The following STK39 variants were observed in gnomAD, a reference collection of about 807,000 sequenced individuals.
STK39 encodes STE20/SPS1-related proline-alanine-rich protein kinase.
A neutral mutation model predicts 77.8 loss-of-function variants in STK39; 20 were observed. That is an observed-to-expected ratio of 0.26 (90% CI 0.18 to 0.37). STK39 has a LOEUF of 0.37. Among genes scored for constraint, STK39 ranks in the 10% least tolerant of loss-of-function variants. The pLI, the probability that STK39 is intolerant of heterozygous loss-of-function variation, is 1.00. For synonymous variants in STK39, 246 were observed against 234.1 expected (o/e 1.05, Z -0.47); for missense variants, 479 against 656.5 (o/e 0.73, Z 2.95).
chr2:168,139,176 C>T (rs1449064401), intron 7 of STK39, among the ~76,000 whole-genome samples: 1 of 152,000 alleles, frequency 6.6e-6, no homozygotes, highest in Non-Finnish European at 1.5e-5. Context: ...CTGGGACAAG[C>T]AAGTGCGACT....
intron 10 of STK39, among the ~76,000 whole-genome samples, chr2:168,076,211 G>A (rs75764066): frequency 0.03 from 4,589 of 152,220 alleles, 241 homozygotes; most frequent in African/African-American, 0.1. Context: ...TTTTACAGAT[G>A]AGGAGATGGA....
intron 7 of STK39, among the ~76,000 whole-genome samples, chr2:168,139,408 T>TTATATATATATATATACA (rs71003023): frequency 3.5e-5 from 5 of 144,528 alleles, no homozygotes; most frequent in Middle Eastern, 3.7e-3. Context: ...TAAAAAAAAT[T>TTATATATATATATATACA]TATATATATA....
At chr2:168,051,264 T>C (rs1232964889) in intron 14 of STK39, among the ~76,000 whole-genome samples, 1 of 152,078 alleles carries the variant, frequency 6.6e-6, no homozygotes, top group East Asian at 1.9e-4. Flanking sequence ...AAAGGTGGAA[T>C]ATAAAAAAGG....
At chr2:167,974,459 T>C (rs955452379) in intron 16 of STK39, among the ~76,000 whole-genome samples, 2 of 152,198 alleles carry the variant, frequency 1.3e-5, no homozygotes, top group African/African-American at 2.4e-5. Flanking sequence ...TTTAGTTACA[T>C]AGGAAGCATT....
chr2:168,086,167 T>G (rs1455333594), intron 10 of STK39, among the ~76,000 whole-genome samples: 4 of 152,238 alleles, frequency 2.6e-5, no homozygotes, highest in Non-Finnish European at 5.9e-5. Context: ...TTACTGAATG[T>G]GTTTTCATTT....
intron 1 of STK39, among the ~76,000 whole-genome samples, chr2:168,216,117 A>ATGATTT (rs1690018976): frequency 6.9e-6 from 1 of 144,488 alleles, no homozygotes; most frequent in African/African-American, 2.5e-5. Flanking sequence ...GAGACAGGAA[A>ATGATTT]CAGAGTTCAG....
intron 10 of STK39, among the ~76,000 whole-genome samples, chr2:168,092,845 A>G (rs1686560843): frequency 6.6e-6 from 1 of 152,216 alleles, no homozygotes; most frequent in African/African-American, 2.4e-5. Context: ...AAAGGCACTC[A>G]GAAAATTCAG....
At chr2:168,058,096 T>A (rs892110245) in intron 14 of STK39, among the ~76,000 whole-genome samples, 1 of 152,218 alleles carries the variant, frequency 6.6e-6, no homozygotes, top group Non-Finnish European at 1.5e-5. Context: ...TGAGAATTTC[T>A]CACAAGAGTT....
intron 1 of STK39, among the ~76,000 whole-genome samples, chr2:168,211,647 T>A (rs1030646404): frequency 1.3e-5 from 2 of 152,214 alleles, no homozygotes; most frequent in African/African-American, 4.8e-5. Flanking sequence ...TAGTTGTGGG[T>A]AGCAAACATA....
At chr2:168,171,499 T>C (rs1240121508) in intron 2 of STK39, among the ~76,000 whole-genome samples, 1 of 151,840 alleles carries the variant, frequency 6.6e-6, no homozygotes, top group Non-Finnish European at 1.5e-5. Flanking sequence ...CTTAATTTTT[T>C]TTTTTTTAGA....
intron 14 of STK39, among the ~76,000 whole-genome samples, chr2:168,027,088 G>T (rs1466087738): frequency 1.3e-5 from 2 of 152,178 alleles, no homozygotes; most frequent in African/African-American, 4.8e-5. Context: ...TGAGTTTGTT[G>T]AGGTTGGAGG....
intron 1 of STK39, among the ~76,000 whole-genome samples, chr2:168,192,810 C>G (rs546759675): frequency 3.9e-5 from 6 of 152,158 alleles, no homozygotes; most frequent in Admixed American, 2.6e-4. Flanking sequence ...ATCCCAGACA[C>G]CTGGATAGAA....
intron 14 of STK39, among the ~76,000 whole-genome samples, chr2:168,030,257 C>T (rs1684804539): frequency 6.6e-6 from 1 of 152,018 alleles, no homozygotes; most frequent in African/African-American, 2.4e-5. Flanking sequence ...TAATAATAAT[C>T]TCCCAATTTT....
At chr2:168,223,599 G>A (rs1394146859) in intron 1 of STK39, among the ~76,000 whole-genome samples, 1 of 152,010 alleles carries the variant, frequency 6.6e-6, no homozygotes, top group Non-Finnish European at 1.5e-5. Context: ...AAAAGTGAAG[G>A]AGGCAAAGAG....
intron 1 of STK39, among the ~76,000 whole-genome samples, chr2:168,235,368 C>T (rs1690573729): frequency 6.6e-6 from 1 of 151,966 alleles, no homozygotes; most frequent in Non-Finnish European, 1.5e-5. Context: ...CTAACATCTG[C>T]CTTTCCACCA....
chr2:168,196,957 C>T (rs964377388), intron 1 of STK39, among the ~76,000 whole-genome samples: 1 of 152,094 alleles, frequency 6.6e-6, no homozygotes, highest in Admixed American at 6.5e-5. Context: ...GGAGACTAAA[C>T]ACAGGGAAAG....
intron 1 of STK39, among the ~76,000 whole-genome samples, chr2:168,205,368 T>A (rs556518911): frequency 7.9e-5 from 12 of 152,236 alleles, no homozygotes; most frequent in Non-Finnish European, 1.6e-4. Context: ...TGACTTTTAC[T>A]TTCTTCTTTG....
At chr2:168,200,235 T>C (rs567888942) in intron 1 of STK39, among the ~76,000 whole-genome samples, 17 of 152,278 alleles carry the variant, frequency 1.1e-4, no homozygotes, top group Admixed American at 9.2e-4. Context: ...AAAACATCCA[T>C]GGAAATATTA....
intron 3 of STK39, 70 bp downstream of exon 3, chr2:168,167,229 C>T: frequency 7.7e-7 from 1 of 1,302,736 alleles, no homozygotes; most frequent in Non-Finnish European, 1.1e-6. Context: ...CTAAAGTCTT[C>T]TCCAATATGC....
Sources: gnomAD v4.1 joint callset for allele counts (sites outside exome capture counted in the v4.1 genomes callset) on GRCh38, gnomAD v4.1.1 for gene constraint, MANE v1.5 for transcripts, NCBI Gene and HGNC (gene_info 2026-07-23, HGNC 2026-07-21) for gene names.